The following GNPTG variants were observed in gnomAD, a reference collection of about 807,000 sequenced individuals.
The protein encoded by GNPTG is N-acetylglucosamine-1-phosphotransferase subunit gamma.
GNPTG carries 46 observed loss-of-function variants against 43.8 expected under a neutral mutation model. The observed-to-expected ratio is 1.05, with a 90% CI of 0.83 to 1.34. The LOEUF is 1.34. GNPTG is among the 40% of genes most tolerant of loss of function. The probability of loss-of-function intolerance (pLI) is 0.00; values close to 1 mark genes in which losing one functional copy is unlikely to be tolerated. For synonymous variants in GNPTG, 250 were observed against 172.8 expected (o/e 1.45, Z -3.50); for missense variants, 549 against 411.3 (o/e 1.33, Z -2.90).
intron 3 of GNPTG, among the ~76,000 whole-genome samples, chr16:1,356,831 C>G (rs1209873055): frequency 1.3e-5 from 2 of 152,196 alleles, no homozygotes; most frequent in Non-Finnish European, 2.9e-5. Flanking sequence ...GACACAGGAG[C>G]TTGACCAGCC....
intron 3 of GNPTG, chr16:1,360,671 T>TCATCCCCAAACCACC (rs2034854050): frequency 6.6e-6 from 1 of 152,178 alleles, no homozygotes; most frequent in Non-Finnish European, 1.5e-5. Context: ...TGGAACAGTT[T>TCATCCCCAAACCACC]CATCCCCAAA....
At chr16:1,357,099 G>A (rs2034791975) in intron 3 of GNPTG, among the ~76,000 whole-genome samples, 2 of 152,162 alleles carry the variant, frequency 1.3e-5, no homozygotes, top group African/African-American at 4.8e-5. Context: ...CAGGCTGTGG[G>A]ACAGCAGGTG....
At chr16:1,362,579 C>G in intron 8 of GNPTG, 32 bp from the exon 9 acceptor site, 1 of 1,614,162 alleles carries the variant, frequency 6.2e-7, no homozygotes, top group South Asian at 1.1e-5. Context: ...TGGCTGGGAG[C>G]TGGGTGCTGC....
At chr16:1,356,809 G>GT (rs1024476704) in intron 3 of GNPTG, among the ~76,000 whole-genome samples, 8 of 147,982 alleles carry the variant, frequency 5.4e-5, no homozygotes, top group Non-Finnish European at 1.2e-4. Context: ...GCCTGGGAAC[G>GT]TGAGTTCCCA....
At chr16:1,357,135 G>A (rs2034792409) in intron 3 of GNPTG, among the ~76,000 whole-genome samples, 4 of 152,180 alleles carry the variant, frequency 2.6e-5, no homozygotes, top group African/African-American at 9.7e-5. Flanking sequence ...AGAGCCCCCA[G>A]CGGTCAGGCT....
chr16:1,360,975 C>G (rs978479027), intron 3 of GNPTG: 1 of 152,406 alleles, frequency 6.6e-6, no homozygotes, highest in East Asian at 1.9e-4. Flanking sequence ...CTCTGTCACG[C>G]AGGCTGGAGT....
In GNPTG at chr16:1,362,965, AGGTGAGGACTGGCCACCT is replaced by A; in HGVS notation, c.824-27_824-10del. The A allele has an allele frequency of 6.2e-7, 1 of 1,613,946 alleles. No homozygotes were observed. The highest frequency in any genetic ancestry group is 8.5e-7 in the Non-Finnish European group (1 of 1,179,832). ...CATCACACTCGCCACCTGTGGGTCC[AGGTGAGGACTGGCCACCT>A]GGTGTTTTGGCAGAAACTTCCAACT... On this transcript the variant is annotated splice_polypyrimidine_tract_variant and intron_variant, in intron 10 of 10. Transcript: ENST00000204679.
At chr16:1,357,541 G>C (rs2034800167) in intron 3 of GNPTG, among the ~76,000 whole-genome samples, 1 of 150,010 alleles carries the variant, frequency 6.7e-6, no homozygotes, top group Non-Finnish European at 1.5e-5. Context: ...GCCCAGGCTG[G>C]AGTGCTGTGT....
At chr16:1,353,780 G>C (rs981519109) in intron 3 of GNPTG, among the ~76,000 whole-genome samples, 7 of 152,190 alleles carry the variant, frequency 4.6e-5, no homozygotes, top group Non-Finnish European at 8.8e-5. Context: ...CTGTCTTGGT[G>C]GGGATTGCTT....
In GNPTG at chr16:1,362,338, A is replaced by C; in HGVS notation, c.526+18A>C. On this transcript the variant is annotated intron_variant, in intron 7 of 10. Coordinates refer to ENST00000204679, the MANE Select transcript of GNPTG (RefSeq NM_032520.5). The stretch of plus-strand genomic sequence containing the variant: ...CTTGCTAGGTAGGGGTGCGGGACGC[A>C]GTTGAGCCCAGTGGGGTCAGCCGCG... The C allele has an allele frequency of 6.2e-7, 1 of 1,611,370 alleles. No individual in the cohort carries two copies. The highest frequency in any genetic ancestry group is 8.5e-7 in the Non-Finnish European group (1 of 1,178,660).
At chr16:1,362,414 T>TG in intron 7 of GNPTG, 38 bp from the exon 8 acceptor site, 4 of 1,612,128 alleles carry the variant, frequency 2.5e-6, no homozygotes, top group Non-Finnish European at 3.4e-6. Flanking sequence ...GGTTGGGACA[T>TG]GGGGTGCAGC....
At chr16:1,356,984 G>A (rs1292797790) in intron 3 of GNPTG, among the ~76,000 whole-genome samples, 1 of 151,994 alleles carries the variant, frequency 6.6e-6, no homozygotes, top group Non-Finnish European at 1.5e-5. Flanking sequence ...AGTGGCAGAT[G>A]GGTGAGGGAC....
chr16:1,352,364 G>C, intron 3 of GNPTG, 58 bp downstream of exon 3: 1 of 1,483,226 alleles, frequency 6.7e-7, no homozygotes. Flanking sequence ...AGCAACAGTG[G>C]AGGATGGATG....
chr16:1,358,217 C>G (rs1398213234), intron 3 of GNPTG: 1 of 152,296 alleles, frequency 6.6e-6, no homozygotes, highest in African/African-American at 2.4e-5. Flanking sequence ...GTGACACTGC[C>G]CTGCAACCGT....
At chr16:1,355,398 C>T (rs1350144657) in intron 3 of GNPTG, among the ~76,000 whole-genome samples, 1 of 152,108 alleles carries the variant, frequency 6.6e-6, no homozygotes, top group Non-Finnish European at 1.5e-5. Context: ...TGATTGTGGC[C>T]TAGGGCTCAG....
Position 1,363,982 on chromosome 16 carries a change from A to G in GNPTG, c.*891A>G, listed in dbSNP as rs529206727. The stretch of plus-strand genomic sequence containing the variant: ...GAAAGAGCAGAGCAGCTGGCAGACT[A>G]GAGCTCAGCTGCTCCTGACCACTGA... On this transcript the variant is annotated 3_prime_UTR_variant, in exon 11 of 11. Coordinates refer to ENST00000204679, the MANE Select transcript of GNPTG (RefSeq NM_032520.5). 8.5e-5 allele frequency: 13 copies of G among 152,358 alleles called. No homozygotes were observed. Among genetic ancestry groups the G allele is most frequent in the Admixed American group, 8.5e-4 (13 of 15,314 alleles). The allele number at this position is 152,358 out of a possible 1,614,324, so 9.4% of individuals were successfully genotyped here.
In GNPTG at chr16:1,363,442, A is replaced by G. The variant is rs963443026; in HGVS notation, c.*351A>G. ...AGGCTTCCAGAAATTAATCCACTTGAGGCGTCCACGCGGAACAAGGTCTGC... is the reference window on the plus strand; with the variant it reads ...AGGCTTCCAGAAATTAATCCACTTGGGGCGTCCACGCGGAACAAGGTCTGC... On this transcript the variant is annotated 3_prime_UTR_variant, in exon 11 of 11. Transcript: ENST00000204679. The G allele has an allele frequency of 5.7e-6, 2 of 350,754 alleles. No homozygotes were observed. The highest frequency in any genetic ancestry group is 8.2e-5 in the Admixed American group (2 of 24,396). The allele number at this position is 350,754 out of a possible 1,614,324, so 21.7% of individuals were successfully genotyped here.
rs1440654825 is a variant in GNPTG, at chr16:1,362,588, G to A, written c.610-23G>A. ...TGGGCCTGGCTGGGAGCTGGGTGCT[G>A]CCCCTGCATCCTCCACCTTCAGGGC... is the stretch of plus-strand genomic sequence containing the variant. On this transcript the variant is annotated intron_variant, in intron 8 of 10. Transcript: ENST00000204679. 3.1e-6 allele frequency: 5 copies of A among 1,614,068 alleles called. No homozygotes were observed. The South Asian group carries it at 4.4e-5, about 14-fold the overall frequency.
intron 3 of GNPTG, chr16:1,352,637 T>A (rs994446153): frequency 2.7e-6 from 1 of 370,756 alleles, no homozygotes; most frequent in Admixed American, 4.3e-5. Flanking sequence ...TTTTAAAAAA[T>A]CATGCTGCGC....
Sources: gnomAD v4.1 joint callset for allele counts (sites outside exome capture counted in the v4.1 genomes callset) on GRCh38, gnomAD v4.1.1 for gene constraint, MANE v1.5 for transcripts, NCBI Gene and HGNC (gene_info 2026-07-23, HGNC 2026-07-21) for gene names.